NME8: variants seen among roughly 807,000 people sequenced by gnomAD.
The protein encoded by NME8 is NME/NM23 family member 8, also known as protein NME8.
Under a neutral mutation model 82.3 loss-of-function variants are expected in NME8, and 72 were observed. That is an observed-to-expected ratio of 0.87 (90% CI 0.72 to 1.06). The LOEUF (loss-of-function observed/expected upper bound fraction) is 1.06, where lower values mean the gene tolerates loss of function less well. NME8 is among the 50% of genes least tolerant of loss of function. The pLI is 0.00. For synonymous variants in NME8, 267 were observed against 228.5 expected (o/e 1.17, Z -1.52); for missense variants, 712 against 685.4 (o/e 1.04, Z -0.43).
intron 13 of NME8, 26 bp downstream of exon 13, chr7:37,884,473 G>C (rs1199879021): frequency 3.8e-6 from 6 of 1,597,374 alleles, no homozygotes; most frequent in Non-Finnish European, 5.1e-6. Context: ...AGAAAATTCA[G>C]TCTGATTTAT....
At chr7:37,855,303 A>T (rs140958082) in intron 5 of NME8, among the ~76,000 whole-genome samples, 4 of 152,200 alleles carry the variant, frequency 2.6e-5, no homozygotes, top group Non-Finnish European at 5.9e-5. Flanking sequence ...CTCATTGTCC[A>T]GGATTTCTTG....
intron 16 of NME8, 46 bp downstream of exon 16, chr7:37,894,656 G>A (rs770849520): frequency 5.4e-6 from 8 of 1,491,528 alleles, no homozygotes; most frequent in African/African-American, 2.8e-5. Context: ...AGTGGTAAAT[G>A]TTCATTATAG....
intron 7 of NME8, among the ~76,000 whole-genome samples, chr7:37,862,851 A>G (rs961109881): frequency 9.9e-5 from 15 of 152,044 alleles, no homozygotes; most frequent in Non-Finnish European, 1.9e-4. Flanking sequence ...TGGGTGCGGT[A>G]GCTCACGCCT....
chr7:37,860,545 C>T (rs550652724), intron 6 of NME8, among the ~76,000 whole-genome samples: 1 of 152,252 alleles, frequency 6.6e-6, no homozygotes, highest in South Asian at 2.1e-4. Flanking sequence ...ATGCCACTTC[C>T]CTCTGTTCCT....
chr7:37,873,663 C>A (rs369399620), intron 11 of NME8, among the ~76,000 whole-genome samples: 1 of 152,156 alleles, frequency 6.6e-6, no homozygotes, highest in East Asian at 1.9e-4. Flanking sequence ...TTTTACAGTA[C>A]ATTGCAGAAA....
chr7:37,890,167 C>T (rs940722951), intron 15 of NME8, among the ~76,000 whole-genome samples: 1 of 151,836 alleles, frequency 6.6e-6, no homozygotes, highest in East Asian at 1.9e-4. Flanking sequence ...TTATTTTTAG[C>T]CTTTTTGAAT....
chr7:37,868,342 T>C (rs1364985006), intron 11 of NME8, among the ~76,000 whole-genome samples: 1 of 152,190 alleles, frequency 6.6e-6, no homozygotes, highest in Non-Finnish European at 1.5e-5. Context: ...TGTAGACATG[T>C]TGGTGCCTTG....
intron 12 of NME8, among the ~76,000 whole-genome samples, chr7:37,882,067 C>G (rs1480564997): frequency 6.6e-6 from 1 of 152,052 alleles, no homozygotes; most frequent in African/African-American, 2.4e-5. Flanking sequence ...AAAATATTTT[C>G]CCTTTATTTT....
Position 37,882,576 on chromosome 7 carries a change from A to G in NME8, c.995-1727A>G, listed in dbSNP as rs532849492. Among the ~76,000 whole-genome samples, 35 of 45,092 alleles carry G rather than the reference A, an allele frequency of 7.8e-4. No individual in the cohort carries two copies. In the South Asian group the frequency reaches 0.031, roughly 40 times the overall value. 29.6% of individuals were successfully genotyped at this position (45,092 alleles called of 152,430 possible). A position where few individuals can be genotyped will look rare whatever the true frequency, so the allele number is the denominator to read the frequency against. On this transcript the variant is annotated intron_variant, in intron 12 of 17. Transcript: ENST00000199447. ...GAAAGAAAGAAAGAAAGAAAGAAAG[A>G]AAGAAAGAAAGAAAGAAAGAAAGAG...
chr7:37,875,053 TGTAATAGGAAA>T (rs1297028608), intron 11 of NME8, among the ~76,000 whole-genome samples: 1 of 152,140 alleles, frequency 6.6e-6, no homozygotes, highest in African/African-American at 2.4e-5. Context: ...ATAACCAGAA[TGTAATAGGAAA>T]GTACTGGGCC....
chr7:37,870,048 G>A (rs540611025), intron 11 of NME8, among the ~76,000 whole-genome samples: 11 of 151,982 alleles, frequency 7.2e-5, no homozygotes, highest in African/African-American at 1.9e-4. Context: ...ATTTCTGTGC[G>A]TTGGTCCATT....
chr7:37,866,549 C>T (rs925815658), intron 10 of NME8, among the ~76,000 whole-genome samples: 1 of 152,074 alleles, frequency 6.6e-6, no homozygotes, highest in Non-Finnish European at 1.5e-5. Flanking sequence ...TTTAACAAGC[C>T]CCGTAGATGA....
intron 11 of NME8, among the ~76,000 whole-genome samples, chr7:37,871,118 G>T (rs529235471): frequency 1.1e-4 from 17 of 152,334 alleles, no homozygotes; most frequent in African/African-American, 3.8e-4. Context: ...TAAAAGCAGA[G>T]CAATTGAACT....
intron 5 of NME8, among the ~76,000 whole-genome samples, chr7:37,854,477 C>A (rs996948839): frequency 6.6e-6 from 1 of 152,106 alleles, no homozygotes; most frequent in Admixed American, 6.6e-5. Context: ...TAATTTCTGT[C>A]TGACGTTTTT....
At chr7:37,880,611 G>A (rs1287958825) in intron 12 of NME8, among the ~76,000 whole-genome samples, 4 of 152,192 alleles carry the variant, frequency 2.6e-5, no homozygotes, top group South Asian at 2.1e-4. Context: ...CTTCAATACT[G>A]TGTTACATCT....
chr7:37,880,098 T>A (rs1784919967), intron 12 of NME8, among the ~76,000 whole-genome samples: 1 of 152,116 alleles, frequency 6.6e-6, no homozygotes, highest in South Asian at 2.1e-4. Context: ...TTTGTTTATT[T>A]TGAATACAAG....
rs1470310487 is a variant in NME8, at chr7:37,896,990, G to C, written c.1665G>C (p.Gln555His). ...TTTCCCCTGACTCCATCCGAGCCCA[G>C]TTTGGAATAAGTAAATTGAAAAACA... The part of the protein sequence containing the change: ...KLLSPDSIRA[Q>H]FGISKLKNIV... The change falls in exon 17 of 18, where the codon CAG (glutamine) becomes CAC (histidine). Residue 555 changes from glutamine (Q) to histidine (H), a missense_variant. Transcript: ENST00000199447. The C allele has an allele frequency of 6.2e-7, 1 of 1,613,892 alleles. No individual in the cohort carries two copies. Among genetic ancestry groups the C allele is most frequent in the African/African-American group, 1.3e-5 (1 of 75,020 alleles).
chr7:37,865,799 G>A (rs946997852), intron 10 of NME8, among the ~76,000 whole-genome samples, 182 bp downstream of exon 10: 8 of 151,962 alleles, frequency 5.3e-5, no homozygotes, highest in African/African-American at 7.3e-5. Context: ...AAAAATCTTC[G>A]GTAGAAATAG....
At chr7:37,885,718 A>G (rs558357998) in intron 14 of NME8, among the ~76,000 whole-genome samples, 4 of 152,330 alleles carry the variant, frequency 2.6e-5, no homozygotes, top group South Asian at 4.1e-4. Context: ...TTTGTAATCA[A>G]CTTGACCCCT....
Sources: gnomAD v4.1 joint callset for allele counts (sites outside exome capture counted in the v4.1 genomes callset) on GRCh38, gnomAD v4.1.1 for gene constraint, MANE v1.5 for transcripts, NCBI Gene and HGNC (gene_info 2026-07-23, HGNC 2026-07-21) for gene names.